LRIG1: variants seen among roughly 807,000 people sequenced by gnomAD.
LRIG1 encodes leucine-rich repeats and immunoglobulin-like domains protein 1.
In LRIG1, 48 loss-of-function variants were observed where a neutral mutation model predicts 99.2. That is an observed-to-expected ratio of 0.48 (90% CI 0.38 to 0.62). LRIG1 has a LOEUF of 0.62. Among genes scored for constraint, LRIG1 ranks in the 20% least tolerant of loss-of-function variants. LRIG1 has a pLI of 0.00. For missense variants in LRIG1, 1,646 were observed against 1,434.4 expected, an observed-to-expected ratio of 1.15 and a Z score of -2.38; for synonymous variants, 772 against 596.1, an observed-to-expected ratio of 1.29 and a Z score of -4.30.
chr3:66,385,596 G>A (rs1213604726), intron 13 of LRIG1, among the ~76,000 whole-genome samples: 1 of 152,156 alleles, frequency 6.6e-6, no homozygotes, highest in Non-Finnish European at 1.5e-5. Context: ...GGGATTACAG[G>A]CATGTGCCAC....
At chr3:66,452,872 T>C (rs147983017) in intron 2 of LRIG1, among the ~76,000 whole-genome samples, 4 of 152,348 alleles carry the variant, frequency 2.6e-5, no homozygotes, top group Non-Finnish European at 5.9e-5. Flanking sequence ...AATAGCTTCA[T>C]GGCTGAAGCA....
At chr3:66,435,360 A>C (rs532503305) in intron 3 of LRIG1, among the ~76,000 whole-genome samples, 1 of 152,250 alleles carries the variant, frequency 6.6e-6, no homozygotes, top group African/African-American at 2.4e-5. Context: ...GGAGTTTGAG[A>C]CCAGCCTTCC....
chr3:66,457,978 A>G (rs1240755748), intron 2 of LRIG1, among the ~76,000 whole-genome samples: 1 of 152,228 alleles, frequency 6.6e-6, no homozygotes, highest in African/African-American at 2.4e-5. Context: ...GATGAAGGAT[A>G]TAGGAATTTA....
intron 9 of LRIG1, among the ~76,000 whole-genome samples, chr3:66,404,959 C>G (rs1470064257): frequency 1.3e-5 from 2 of 152,304 alleles, no homozygotes; most frequent in East Asian, 3.9e-4. Flanking sequence ...CACCAGCCGC[C>G]AAACGCCGGG....
chr3:66,381,369 T>C, intron 17 of LRIG1, 110 bp downstream of exon 17: 1 of 1,102,110 alleles, frequency 9.1e-7, no homozygotes, highest in Non-Finnish European at 1.3e-6. Flanking sequence ...AATACCAAAT[T>C]TGGAGACAGC....
intron 1 of LRIG1, among the ~76,000 whole-genome samples, chr3:66,474,030 G>C (rs1700660844): frequency 6.6e-6 from 1 of 152,180 alleles, no homozygotes. Context: ...TGATTTCCCT[G>C]GTTCTGGTTG....
chr3:66,402,796 G>A (rs1232389496), intron 9 of LRIG1, among the ~76,000 whole-genome samples: 1 of 152,182 alleles, frequency 6.6e-6, no homozygotes, highest in Non-Finnish European at 1.5e-5. Flanking sequence ...CCGGCACTGG[G>A]CCACTCCCAC....
intron 9 of LRIG1, among the ~76,000 whole-genome samples, chr3:66,404,016 G>A (rs952984160): frequency 1.3e-5 from 2 of 152,306 alleles, no homozygotes; most frequent in East Asian, 3.9e-4. Flanking sequence ...ATGGGTTAAA[G>A]GCTGGGGAAA....
At chr3:66,475,403 G>C (rs1038692690) in intron 1 of LRIG1, among the ~76,000 whole-genome samples, 3 of 152,142 alleles carry the variant, frequency 2.0e-5, no homozygotes, top group African/African-American at 7.2e-5. Flanking sequence ...GGTGGTTGGG[G>C]GTGAGAGCAG....
chr3:66,405,336 C>T (rs1702228005), intron 8 of LRIG1, 58 bp from the exon 9 acceptor site: 1 of 1,358,422 alleles, frequency 7.4e-7, no homozygotes, highest in Admixed American at 1.7e-5. Flanking sequence ...GGAAAGCAAA[C>T]TCTCACCCAG....
At chr3:66,478,886 T>C (rs1335520215) in intron 1 of LRIG1, among the ~76,000 whole-genome samples, 1 of 152,174 alleles carries the variant, frequency 6.6e-6, no homozygotes, top group East Asian at 1.9e-4. Flanking sequence ...TGCAGAGATT[T>C]AGTACTAACT....
chr3:66,443,828 C>T (rs1206852162), intron 3 of LRIG1, among the ~76,000 whole-genome samples: 3 of 152,364 alleles, frequency 2.0e-5, no homozygotes, highest in Middle Eastern at 3.4e-3. Context: ...CTGAGACTTC[C>T]TCCACATTTT....
At chr3:66,428,689 C>T (rs146428890) in intron 3 of LRIG1, among the ~76,000 whole-genome samples, 1 of 152,334 alleles carries the variant, frequency 6.6e-6, no homozygotes, top group East Asian at 1.9e-4. Flanking sequence ...ACAGTTGAAA[C>T]CATTTCCCTC....
chr3:66,439,184 T>TG (rs1269341105), intron 3 of LRIG1, among the ~76,000 whole-genome samples: 1 of 152,214 alleles, frequency 6.6e-6, no homozygotes, highest in African/African-American at 2.4e-5. Context: ...CTGGAAGAAC[T>TG]GCGCCAAGGC....
rs61751731 is a variant in LRIG1, at chr3:66,386,122, C to T, written c.1648G>A (p.Ala550Thr). ...ADMENFVHVH[A>T]QDGEVMEYTT... is the part of the protein sequence containing the mutation. ...TACTCCATCACTTCCCCGTCCTGCG[C>T]GTGGACGTGGACAAAGTTCTCCATG... is the stretch of plus-strand genomic sequence containing the variant. The change falls in exon 13 of 19, where the codon GCG becomes ACG. Residue 550 changes from alanine to threonine, a missense_variant. Ala to Thr is a moderately conservative substitution (Grantham distance 58, BLOSUM62 0). Coordinates refer to ENST00000273261, the MANE Select transcript of LRIG1 (RefSeq NM_015541.3). The T allele has an allele frequency of 8.1e-3, 13,130 of 1,614,072 alleles. 822 individuals carry two copies. The African/African-American group carries it at 0.14, about 18-fold the overall frequency.
chr3:66,380,785 G>C lies in LRIG1; in HGVS notation c.2847C>G (p.Pro949=), dbSNP rs767276012. Residue 949 remains proline, a synonymous_variant, in exon 18 of 19, where the codon CCC becomes CCG. Transcript: ENST00000273261. ...GTGCGCTGTCTCTGGACACAGGCTG[G>C]GGGTGGAAGGCTTGTCCCCTGGAGT... is the stretch of plus-strand genomic sequence containing the variant. ...DCYSRGQAFH[P]QPVSRDSAQP... The C allele has an allele frequency of 1.2e-6, 2 of 1,614,214 alleles. No homozygotes were observed. The highest frequency in any genetic ancestry group is 8.5e-7 in the Non-Finnish European group (1 of 1,180,048).
At chr3:66,489,711 T>A (rs1348078473) in intron 1 of LRIG1, among the ~76,000 whole-genome samples, 2 of 152,186 alleles carry the variant, frequency 1.3e-5, no homozygotes, top group Non-Finnish European at 2.9e-5. Context: ...TATACATCCC[T>A]TTACAGACAG....
rs941195698 is a variant in LRIG1 at position 66,401,698 on chromosome 3, G to T, written c.1161-2657C>A. ...ATAAAAGGCTGCTGCCAGGAGAAAG[G>T]AGAGGCGGGATTATGGGCTGGGAGG... On this transcript the variant is annotated intron_variant, in intron 9 of 18. Transcript: ENST00000273261. The T allele has an allele frequency of 8.6e-6, 13 of 1,514,884 alleles. No individual in the cohort carries two copies. The African/African-American group carries it at 1.5e-4, about 18-fold the overall frequency. The allele number at this position is 1,514,884 out of a possible 1,614,324, so 93.8% of individuals were successfully genotyped here. A position where few individuals can be genotyped will look rare whatever the true frequency, so the allele number is the denominator to read the frequency against.
At position 66,405,251 on chromosome 3, in the gene LRIG1, G is replaced by A; in HGVS notation, c.1107C>T (p.Gly369=). 6.2e-7 allele frequency: 1 copy of A among 1,614,166 alleles called. No individual in the cohort carries two copies. Among genetic ancestry groups the A allele is most frequent in the Non-Finnish European group, 8.5e-7 (1 of 1,180,000 alleles). ...VLDLDHNEIS[G]TIEDTSGAFS... ...AGGCGCCGCTCGTGTCCTCTATTGT[G>A]CCCGAAATCTCGTTATGGTCCAGAT... Residue 369 remains glycine, a synonymous_variant, in exon 9 of 19, where the codon GGC becomes GGT. Coordinates refer to ENST00000273261, the MANE Select transcript of LRIG1 (RefSeq NM_015541.3).
Sources: gnomAD v4.1 joint callset for allele counts (sites outside exome capture counted in the v4.1 genomes callset) on GRCh38, gnomAD v4.1.1 for gene constraint, MANE v1.5 for transcripts, NCBI Gene and HGNC (gene_info 2026-07-23, HGNC 2026-07-21) for gene names.